KLHL2: variants seen among roughly 807,000 people sequenced by gnomAD.
The protein encoded by KLHL2 is kelch like family member 2.
In KLHL2, 15 loss-of-function variants were observed where a neutral mutation model predicts 75.8. That is an observed-to-expected ratio of 0.20 (90% CI 0.13 to 0.30). The LOEUF is 0.30. Among genes scored for constraint, KLHL2 ranks in the 10% least tolerant of loss-of-function variants. The probability of loss-of-function intolerance (pLI) is 1.00; values close to 1 mark genes in which losing one functional copy is unlikely to be tolerated. For synonymous variants in KLHL2, 214 were observed against 251.9 expected, an observed-to-expected ratio of 0.85 and a Z score of 1.42; for missense variants, 381 against 741.0, an observed-to-expected ratio of 0.51 and a Z score of 5.64.
chr4:165,305,804 A>G (rs1579169173), intron 9 of KLHL2, 79 bp downstream of exon 9: 2 of 980,606 alleles, frequency 2.0e-6, no homozygotes, highest in East Asian at 4.8e-5. Flanking sequence ...TTTATTAATT[A>G]GAAAAATCTC....
chr4:165,225,568 A>G (rs1738373683), intron 2 of KLHL2, among the ~76,000 whole-genome samples: 1 of 152,198 alleles, frequency 6.6e-6, no homozygotes, highest in South Asian at 2.1e-4. Flanking sequence ...GACTTTGCAT[A>G]TGGGCTGCTA....
intron 5 of KLHL2, among the ~76,000 whole-genome samples, chr4:165,264,704 G>GTGTATA (rs1323043527): frequency 2.4e-5 from 2 of 82,872 alleles, no homozygotes; most frequent in Non-Finnish European, 4.4e-5. Context: ...GTGTGTGTGT[G>GTGTATA]TATATATATA....
chr4:165,294,112 G>A (rs747050415), intron 5 of KLHL2, among the ~76,000 whole-genome samples: 17 of 152,212 alleles, frequency 1.1e-4, no homozygotes, highest in East Asian at 5.8e-4. Flanking sequence ...AACTAAGTGC[G>A]TGTATATTAA....
Position 165,207,922 on chromosome 4 carries a change from G to A in KLHL2, c.26+20G>A. ...TCCCGCGTGAGTGAGCGGGCGGGCG[G>A]GCTGCGCCGCTGCGGATAAGCGCGC... is the stretch of plus-strand genomic sequence containing the variant. On this transcript the variant is annotated intron_variant, in intron 1 of 14. Coordinates refer to ENST00000226725, the MANE Select transcript of KLHL2 (RefSeq NM_007246.4). The surrounding 1 kb of genome is among the most constrained non-coding windows in gnomAD (Gnocchi z 4.2). 7.1e-7 allele frequency: 1 copy of A among 1,408,796 alleles called. No homozygotes were observed. The highest frequency in any genetic ancestry group is 9.3e-7 in the Non-Finnish European group (1 of 1,073,168). The allele number at this position is 1,408,796 out of a possible 1,614,324, so 87.3% of individuals were successfully genotyped here.
chr4:165,211,144 T>A (rs1360768400), intron 1 of KLHL2, among the ~76,000 whole-genome samples: 2 of 152,194 alleles, frequency 1.3e-5, no homozygotes, highest in Non-Finnish European at 2.9e-5. Context: ...GTTCTCACAT[T>A]TTTGAATTTA....
At chr4:165,321,565 G>A (rs555077390) in intron 14 of KLHL2, among the ~76,000 whole-genome samples, 3 of 152,234 alleles carry the variant, frequency 2.0e-5, no homozygotes, top group South Asian at 4.1e-4. Context: ...ATTAAATTAT[G>A]CGGGAGTAAA....
At chr4:165,308,786 T>C (rs1745926681) in intron 9 of KLHL2, among the ~76,000 whole-genome samples, 2 of 152,340 alleles carry the variant, frequency 1.3e-5, no homozygotes, top group South Asian at 4.1e-4. Flanking sequence ...GATACAGGAT[T>C]GTTTCATGCT....
In KLHL2 at chr4:165,294,466, A is replaced by G; in HGVS notation, c.652A>G (p.Lys218Glu). The G allele has an allele frequency of 6.5e-7, 1 of 1,550,044 alleles. No individual in the cohort carries two copies. The highest frequency in any genetic ancestry group is 8.9e-7 in the Non-Finnish European group (1 of 1,123,466). Residue 218 changes from lysine to glutamate, a missense_variant and splice_region_variant, in exon 6 of 15, where the codon AAG becomes GAG. By Grantham distance (56) the Lys-to-Glu change is moderately conservative. This residue lies in a region of KLHL2 where 111 missense variants were observed against 150.1 expected (regional missense o/e 0.74). Transcript: ENST00000226725. ...CAAACTTACCATTTCTTCAGAAGAG[A>G]AGGTAAGGATATTTTTCTTTTCCCA... ...SDKLTISSEE[K>E]VFEAVIAWVN...
intron 12 of KLHL2, 88 bp downstream of exon 12, chr4:165,313,454 A>G (rs1579187958): frequency 8.4e-7 from 1 of 1,195,942 alleles, no homozygotes; most frequent in Non-Finnish European, 1.1e-6. Context: ...ACTTTACATT[A>G]TCTGAAAATA....
At chr4:165,233,252 A>G (rs1739057612) in intron 3 of KLHL2, among the ~76,000 whole-genome samples, 1 of 152,232 alleles carries the variant, frequency 6.6e-6, no homozygotes, top group African/African-American at 2.4e-5. Context: ...TATTTAGAGC[A>G]AGGCCAAGTT....
intron 2 of KLHL2, among the ~76,000 whole-genome samples, chr4:165,226,494 A>G (rs531756407): frequency 1.3e-5 from 2 of 152,068 alleles, no homozygotes; most frequent in South Asian, 4.1e-4. Context: ...CAGCCTTTCC[A>G]TAACATCTTT....
intron 13 of KLHL2, among the ~76,000 whole-genome samples, chr4:165,317,340 A>G (rs1245403833): frequency 6.6e-6 from 1 of 151,506 alleles, no homozygotes; most frequent in Non-Finnish European, 1.5e-5. Flanking sequence ...AAGTGGTATT[A>G]TGGTCTCCTA....
At chr4:165,314,547 T>A (rs79725329) in intron 13 of KLHL2, among the ~76,000 whole-genome samples, 7,297 of 152,212 alleles carry the variant, frequency 0.048, 322 homozygotes, top group African/African-American at 0.12. Context: ...GAGATCCTAG[T>A]TCTCAGGAAA....
At chr4:165,276,052 C>T (rs1743067115) in intron 5 of KLHL2, among the ~76,000 whole-genome samples, 1 of 152,084 alleles carries the variant, frequency 6.6e-6, no homozygotes, top group South Asian at 2.1e-4. Context: ...AACATTAACT[C>T]AGGAGGCAGA....
At chr4:165,286,864 G>C (rs1314643379) in intron 5 of KLHL2, among the ~76,000 whole-genome samples, 1 of 152,122 alleles carries the variant, frequency 6.6e-6, no homozygotes, top group South Asian at 2.1e-4. Flanking sequence ...TGCATTGACT[G>C]TCTATAGCAA....
Position 165,321,172 on chromosome 4 carries a change from C to T in KLHL2, c.1754-860C>T, listed in dbSNP as rs1041297747. 1.0e-4 allele frequency: 46 copies of T among 445,262 alleles called. 1 individual carries two copies. Among genetic ancestry groups the T allele is most frequent in the South Asian group, 3.4e-4 (21 of 62,202 alleles). 27.6% of individuals were successfully genotyped at this position (445,262 alleles called of 1,614,324 possible). On this transcript the variant is annotated intron_variant, in intron 14 of 14. Transcript: ENST00000226725. ...AACAAAAAAGTCAGACAGGAATTAA[C>T]AGTGTATTTCCTTAAAGTTGCACCA...
At position 165,320,593 on chromosome 4, in the gene KLHL2, A is replaced by G. The variant is rs193067928; in HGVS notation, c.1754-1439A>G. On this transcript the variant is annotated intron_variant, in intron 14 of 14. Coordinates refer to ENST00000226725, the MANE Select transcript of KLHL2 (RefSeq NM_007246.4). The stretch of plus-strand genomic sequence containing the variant: ...AAAGTTTCATTATACATGGCACTCT[A>G]TGGAAAAAATTGCCAGTGCTATGGA... Among the ~76,000 whole-genome samples the G allele has an allele frequency of 3.5e-4, 54 of 152,358 alleles. No homozygotes were observed. The East Asian group carries it at 9.2e-3, about 26-fold the overall frequency.
rs566204126 is a variant in KLHL2, at chr4:165,218,694, A to C, written c.27-1240A>C. Among the ~76,000 whole-genome samples the C allele has an allele frequency of 1.8e-3, 270 of 152,264 alleles. 1 individual carries two copies. Among genetic ancestry groups the C allele is most frequent in the African/African-American group, 6.3e-3 (261 of 41,548 alleles). ...ACTGATATATTCCAAGTGCCTTAAGAGTAGTGATTGGTACATGGTTGGTAC... is the reference window on the plus strand; with the variant it reads ...ACTGATATATTCCAAGTGCCTTAAGCGTAGTGATTGGTACATGGTTGGTAC... On this transcript the variant is annotated intron_variant, in intron 1 of 14. Transcript: ENST00000226725.
chr4:165,224,810 A>T (rs552060453), intron 2 of KLHL2, among the ~76,000 whole-genome samples: 27 of 152,346 alleles, frequency 1.8e-4, no homozygotes, highest in African/African-American at 6.5e-4. Context: ...AGTAAATGGG[A>T]TATCCATGAC....
Sources: gnomAD v4.1 joint callset for allele counts (sites outside exome capture counted in the v4.1 genomes callset) on GRCh38, gnomAD v4.1.1 for gene constraint, gnomAD v4.1.1 regional missense constraint, Gnocchi (gnomAD v3.1) non-coding constraint, MANE v1.5 for transcripts, NCBI Gene and HGNC (gene_info 2026-07-23, HGNC 2026-07-21) for gene names.